PID1: variants seen among roughly 807,000 people sequenced by gnomAD.
The protein encoded by PID1 is PTB-containing, cubilin and LRP1-interacting protein.
A neutral mutation model predicts 19.1 loss-of-function variants in PID1; 10 were observed. That is an observed-to-expected ratio of 0.52 (90% CI 0.32 to 0.89). The LOEUF is 0.89. PID1 is among the 40% of genes least tolerant of loss of function. The pLI, the probability that PID1 is intolerant of heterozygous loss-of-function variation, is 0.03. For missense variants in PID1, 248 were observed against 285.3 expected (o/e 0.87, Z 0.94); for synonymous variants, 130 against 116.0 (o/e 1.12, Z -0.78).
At chr2:229,100,343 T>A (rs1454357900) in intron 2 of PID1, among the ~76,000 whole-genome samples, 1 of 152,224 alleles carries the variant, frequency 6.6e-6, no homozygotes, top group African/African-American at 2.4e-5. Context: ...TAATTCCCTA[T>A]GCTAATTTAA....
intron 1 of PID1, among the ~76,000 whole-genome samples, chr2:229,184,223 A>G (rs1342435895): frequency 0.31 from 328 of 1,064 alleles, 158 homozygotes; most frequent in African/African-American, 0.35. Flanking sequence ...TATCCCATAT[A>G]TATATCCCAT....
In PID1 at chr2:229,138,980, G is replaced by GAAGAACGAAAGA. The variant is rs1329960601; in HGVS notation, c.177+16837_177+16838insTCTTTCGTTCTT. Among the ~76,000 whole-genome samples the GAAGAACGAAAGA allele has an allele frequency of 7.9e-4, 53 of 67,046 alleles. 2 individuals carry two copies. Among genetic ancestry groups the GAAGAACGAAAGA allele is most frequent in the African/African-American group, 3.1e-3 (51 of 16,216 alleles). 44.0% of individuals were successfully genotyped at this position (67,046 alleles called of 152,430 possible). A position where few individuals can be genotyped will look rare whatever the true frequency, so the allele number is the denominator to read the frequency against. ...AAAGAGAAATAAATAGAAAAAAATA[G>GAAGAACGAAAGA]AAGAAAGAAAGAAAGAAAGAAAGAA... is the stretch of plus-strand genomic sequence containing the variant. On this transcript the variant is annotated intron_variant, in intron 2 of 2. Coordinates refer to ENST00000392055, the MANE Select transcript of PID1 (RefSeq NM_001100818.2).
chr2:229,042,353 T>A (rs1422839141), intron 2 of PID1, among the ~76,000 whole-genome samples: 1 of 152,196 alleles, frequency 6.6e-6, no homozygotes, highest in African/African-American at 2.4e-5. Flanking sequence ...TGAAGACGTG[T>A]CCTTGGCTCC....
At chr2:229,262,742 G>C (rs1320880214) in intron 1 of PID1, 3 of 1,551,624 alleles carry the variant, frequency 1.9e-6, no homozygotes, top group East Asian at 4.9e-5. Context: ...CCATCCAAAA[G>C]CTCTGGAGAA....
intron 1 of PID1, among the ~76,000 whole-genome samples, chr2:229,159,434 AAATTTGATTCAGTCGGTTC>A (rs1419460803): frequency 6.6e-6 from 1 of 152,228 alleles, no homozygotes; most frequent in African/African-American, 2.4e-5. Context: ...TAATTAGGGC[AAATTTGATTCAGTCGGTTC>A]AAAGACCTTA....
chr2:229,181,879 A>T (rs1690953545), intron 1 of PID1, among the ~76,000 whole-genome samples: 1 of 152,226 alleles, frequency 6.6e-6, no homozygotes, highest in Non-Finnish European at 1.5e-5. Context: ...ATTGAATGGC[A>T]CAGTTAAAAG....
chr2:229,121,200 C>A lies in PID1; in HGVS notation c.177+34618G>T, dbSNP rs554641981. ...CTGAGAAACACATAGAATATAGAGC[C>A]ACCTGTCCATACACCTGCACATTCA... On this transcript the variant is annotated intron_variant, in intron 2 of 2. Transcript: ENST00000392055. Among the ~76,000 whole-genome samples the A allele has an allele frequency of 3.3e-5, 5 of 152,212 alleles. No homozygotes were observed. The Middle Eastern group carries it at 0.01, about 311-fold the overall frequency.
chr2:229,237,588 AAAAGGG>A (rs1235494449), intron 1 of PID1, among the ~76,000 whole-genome samples: 21 of 152,316 alleles, frequency 1.4e-4, no homozygotes, highest in Admixed American at 1.2e-3. Context: ...GTGGTGTGAG[AAAAGGG>A]AAAGGGACCT....
At chr2:229,161,482 T>C (rs1158304599) in intron 1 of PID1, among the ~76,000 whole-genome samples, 2 of 152,024 alleles carry the variant, frequency 1.3e-5, no homozygotes, top group East Asian at 1.9e-4. Flanking sequence ...TACAAATATA[T>C]GGTAATGAAA....
chr2:229,128,854 A>G (rs1689646465), intron 2 of PID1, among the ~76,000 whole-genome samples: 1 of 152,210 alleles, frequency 6.6e-6, no homozygotes, highest in African/African-American at 2.4e-5. Context: ...GACTATAGTC[A>G]ATACTAACTG....
At chr2:229,109,734 A>G in intron 2 of PID1, among the ~76,000 whole-genome samples, 1 of 152,184 alleles carries the variant, frequency 6.6e-6, no homozygotes, top group South Asian at 2.1e-4. Flanking sequence ...AAAGAAATCG[A>G]TGTAACACCT....
intron 2 of PID1, among the ~76,000 whole-genome samples, chr2:229,143,398 A>G (rs1171148249): frequency 6.6e-6 from 1 of 152,128 alleles, no homozygotes; most frequent in Non-Finnish European, 1.5e-5. Flanking sequence ...TACATTTATC[A>G]TCTGTCCTTA....
intron 1 of PID1, among the ~76,000 whole-genome samples, chr2:229,191,771 CTCA>C (rs928847932): frequency 3.3e-5 from 5 of 152,138 alleles, no homozygotes; most frequent in Non-Finnish European, 7.4e-5. Flanking sequence ...TAAAATAAAT[CTCA>C]TCAACTAAAG....
At chr2:229,047,099 T>C (rs1011599245) in intron 2 of PID1, among the ~76,000 whole-genome samples, 1 of 152,202 alleles carries the variant, frequency 6.6e-6, no homozygotes, top group Non-Finnish European at 1.5e-5. Flanking sequence ...CACCACCATG[T>C]TCTTCCTCCC....
chr2:229,062,061 T>G (rs958186183), intron 2 of PID1, among the ~76,000 whole-genome samples: 4 of 150,048 alleles, frequency 2.7e-5, no homozygotes, highest in African/African-American at 1.0e-4. Flanking sequence ...ACTTCTTCCT[T>G]TCCTATTTCA....
intron 2 of PID1, among the ~76,000 whole-genome samples, chr2:229,051,073 T>C (rs1693986578): frequency 6.6e-6 from 1 of 152,186 alleles, no homozygotes; most frequent in African/African-American, 2.4e-5. Flanking sequence ...TCTCTACATG[T>C]ACTCTCAATG....
chr2:229,201,442 C>T (rs1206408116), intron 1 of PID1, among the ~76,000 whole-genome samples: 1 of 152,022 alleles, frequency 6.6e-6, no homozygotes, highest in African/African-American at 2.4e-5. Context: ...CATGTCGTGG[C>T]ATGTGTCAGA....
At chr2:229,130,696 G>A (rs893451373) in intron 2 of PID1, among the ~76,000 whole-genome samples, 2 of 152,116 alleles carry the variant, frequency 1.3e-5, no homozygotes. Flanking sequence ...TTCATCTTGC[G>A]TCATCAGCAC....
At chr2:229,106,576 A>C (rs1003167172) in intron 2 of PID1, among the ~76,000 whole-genome samples, 3 of 152,182 alleles carry the variant, frequency 2.0e-5, no homozygotes, top group Admixed American at 2.0e-4. Context: ...CTCACAAAAG[A>C]AGCTTGAGGG....
Sources: allele counts gnomAD v4.1 joint callset (sites outside exome capture counted in the v4.1 genomes callset), GRCh38; gene constraint gnomAD v4.1.1; transcripts MANE v1.5; gene names NCBI Gene and HGNC (gene_info 2026-07-23, HGNC 2026-07-21).